The following LPXN variants were observed in gnomAD, a reference collection of about 807,000 sequenced individuals.
LPXN encodes the protein leupaxin.
LPXN carries 28 observed loss-of-function variants against 45.6 expected under a neutral mutation model. That is an observed-to-expected ratio of 0.61 (90% confidence interval 0.45 to 0.84). The LOEUF is 0.84. Among genes scored for constraint, LPXN ranks in the 40% least tolerant of loss-of-function variants. The probability of loss-of-function intolerance (pLI) is 0.00; values close to 1 mark genes in which losing one functional copy is unlikely to be tolerated. For synonymous variants in LPXN, 166 were observed against 169.9 expected, an observed-to-expected ratio of 0.98 and a Z score of 0.18; for missense variants, 459 against 475.0, an observed-to-expected ratio of 0.97 and a Z score of 0.31.
intron 1 of LPXN, among the ~76,000 whole-genome samples, chr11:58,575,146 A>T (rs1721140959): frequency 6.6e-6 from 1 of 152,194 alleles, no homozygotes; most frequent in African/African-American, 2.4e-5. Context: ...TTAGAGTGGA[A>T]GGAGGTGTCA....
intron 3 of LPXN, among the ~76,000 whole-genome samples, 153 bp downstream of exon 3, chr11:58,564,002 A>T (rs1854455508): frequency 6.6e-6 from 1 of 152,220 alleles, no homozygotes. Flanking sequence ...GCTTCACAGA[A>T]TTCTACCTAT....
chr11:58,560,119 C>G (rs1854328503), intron 3 of LPXN, among the ~76,000 whole-genome samples: 2 of 152,272 alleles, frequency 1.3e-5, no homozygotes, highest in African/African-American at 4.8e-5. Context: ...AGTTTTGTAT[C>G]TTAAGTTATA....
At chr11:58,531,308 G>T (rs1214994742) in intron 7 of LPXN, among the ~76,000 whole-genome samples, 1 of 152,074 alleles carries the variant, frequency 6.6e-6, no homozygotes, top group African/African-American at 2.4e-5. Context: ...TAAGAACCTT[G>T]AAAACAGGTT....
At chr11:58,570,778 T>C in intron 1 of LPXN, 65 bp from the exon 2 acceptor site, 2 of 1,247,116 alleles carry the variant, frequency 1.6e-6, no homozygotes, top group Non-Finnish European at 2.2e-6. Flanking sequence ...CATTTTCTCC[T>C]TAAATATCTT....
At chr11:58,565,891 G>C (rs541662870) in intron 2 of LPXN, among the ~76,000 whole-genome samples, 1 of 151,978 alleles carries the variant, frequency 6.6e-6, no homozygotes, top group South Asian at 2.1e-4. Context: ...CCAGCTACTC[G>C]GGAGGCTGAG....
At chr11:58,574,363 C>T (rs773971785) in intron 1 of LPXN, among the ~76,000 whole-genome samples, 2 of 152,062 alleles carry the variant, frequency 1.3e-5, no homozygotes, top group Non-Finnish European at 2.9e-5. Context: ...CAGGTGTTCC[C>T]GACAGTGACA....
Position 58,564,205 on chromosome 11 carries a change from A to G in LPXN, c.172-4T>C, listed in dbSNP as rs1854462643. 1 of 1,598,382 alleles carries G rather than the reference A, an allele frequency of 6.3e-7. No individual in the cohort carries two copies. The highest frequency in any genetic ancestry group is 1.3e-5 in the African/African-American group (1 of 74,252). ...TGGTAGTATACACGAGCTGCGCCTA[A>G]GATATATAAGTGACAAGAGAAGAGC... On this transcript the variant is annotated splice_polypyrimidine_tract_variant and splice_region_variant and intron_variant, in intron 2 of 8. Transcript: ENST00000395074.
At chr11:58,574,566 T>TC (rs932858357) in intron 1 of LPXN, among the ~76,000 whole-genome samples, 13 of 148,244 alleles carry the variant, frequency 8.8e-5, no homozygotes, top group African/African-American at 2.5e-4. Flanking sequence ...GTCCCCTCCA[T>TC]CCCCCCCAAA....
chr11:58,537,006 A>G (rs1050138907), intron 7 of LPXN, among the ~76,000 whole-genome samples: 4 of 152,250 alleles, frequency 2.6e-5, no homozygotes, highest in Admixed American at 2.6e-4. Flanking sequence ...AAAAGTCAGG[A>G]AACAACAGAT....
In LPXN at chr11:58,554,898, C is replaced by T. The variant is rs759389327; in HGVS notation, c.261G>A (p.Thr87=). The change falls in exon 4 of 9, where the codon ACG becomes ACA. Residue 87 remains threonine, a synonymous_variant. Coordinates refer to ENST00000395074, the MANE Select transcript of LPXN (RefSeq NM_004811.3). ...EPKESPPPSK[T]SAAAQLDELM... is the part of the protein sequence containing the mutation. ...GCTCATCCAACTGAGCAGCTGCTGA[C>T]GTTTTAGAAGGTGGTGGTGATTCCT... The T allele has an allele frequency of 7.7e-5, 124 of 1,613,868 alleles. No homozygotes were observed. The South Asian group carries it at 7.7e-4, about 10-fold the overall frequency.
intron 3 of LPXN, among the ~76,000 whole-genome samples, chr11:58,558,706 C>CGACTCAAA (rs1429469412): frequency 6.6e-6 from 1 of 151,792 alleles, no homozygotes; most frequent in African/African-American, 2.4e-5. Context: ...ACAGACTATT[C>CGACTCAAA]GACTCAAAGA....
At chr11:58,528,544 C>G (rs2120164179) in intron 7 of LPXN, among the ~76,000 whole-genome samples, 1 of 152,302 alleles carries the variant, frequency 6.6e-6, no homozygotes, top group Admixed American at 6.5e-5. Context: ...AGAGGCATCT[C>G]TTCAGTCCCT....
chr11:58,549,859 C>T lies in LPXN; in HGVS notation c.669G>A (p.Leu223=), dbSNP rs1853989886. Reference sequence around the variant, plus strand: ...GGTGCCAGGTCTGGTTCATTGCTGTCAGCACTTTCTGGAAAGGGAACACAC... The same window carrying T: ...GGTGCCAGGTCTGGTTCATTGCTGTTAGCACTTTCTGGAAAGGGAACACAC... ...YCAAPILDKV[L]TAMNQTWHPE... The change falls in exon 7 of 9, where the codon CTG becomes CTA. Residue 223 remains leucine, a synonymous_variant. Coordinates refer to ENST00000395074, the MANE Select transcript of LPXN (RefSeq NM_004811.3). The T allele has an allele frequency of 6.2e-7, 1 of 1,614,098 alleles. No homozygotes were observed. The highest frequency in any genetic ancestry group is 8.5e-7 in the Non-Finnish European group (1 of 1,180,010).
In LPXN at chr11:58,542,448, GTT is replaced by G. The variant is rs947838335; in HGVS notation, c.742+7336_742+7337del. Among the ~76,000 whole-genome samples, 3 of 151,130 alleles carry G rather than the reference GTT, an allele frequency of 2.0e-5. 1 individual carries two copies. In the East Asian group the frequency reaches 5.8e-4, roughly 29 times the overall value. On this transcript the variant is annotated intron_variant, in intron 7 of 8. Coordinates refer to ENST00000395074, the MANE Select transcript of LPXN (RefSeq NM_004811.3). ...GAGTCACTTGATAATCTACATCAAGGTTTTTTTTAAAAAAGATGTAGACATCT... is the reference window on the plus strand; with the variant it reads ...GAGTCACTTGATAATCTACATCAAGGTTTTTTAAAAAAGATGTAGACATCT...
chr11:58,532,840 G>T (rs1162608395), intron 7 of LPXN, among the ~76,000 whole-genome samples: 1 of 152,202 alleles, frequency 6.6e-6, no homozygotes, highest in African/African-American at 2.4e-5. Flanking sequence ...TAGAAGTTTT[G>T]TTCTTTCACT....
Position 58,575,714 on chromosome 11 carries a change from CCAA to C in LPXN, c.13+43_13+45del, listed in dbSNP as rs774127605. ...ACCCCACCACACAAGGAGATGGCAG[CCAA>C]GTCTTCACTCCCTCAGAGTTTCTCC... On this transcript the variant is annotated intron_variant, in intron 1 of 8. Coordinates refer to ENST00000395074, the MANE Select transcript of LPXN (RefSeq NM_004811.3). 1.4e-4 allele frequency: 221 copies of C among 1,611,254 alleles called. 1 individual carries two copies. The highest frequency in any genetic ancestry group is 1.3e-3 in the Middle Eastern group (8 of 6,054).
chr11:58,554,819 A>C lies in LPXN; in HGVS notation c.318+22T>G, dbSNP rs553578243. On this transcript the variant is annotated intron_variant, in intron 4 of 8. Coordinates refer to ENST00000395074, the MANE Select transcript of LPXN (RefSeq NM_004811.3). ...CTGGACTGCACTCACCTTGGCCTGC[A>C]CTCACCTTGGCCTGCACTCACCTTG... is the stretch of plus-strand genomic sequence containing the variant. 3 of 1,604,728 alleles carry C rather than the reference A, an allele frequency of 1.9e-6. No individual in the cohort carries two copies. In the Admixed American group the frequency reaches 5.0e-5, roughly 27 times the overall value.
chr11:58,535,624 G>A (rs1014770421), intron 7 of LPXN, among the ~76,000 whole-genome samples: 10 of 152,076 alleles, frequency 6.6e-5, no homozygotes, highest in South Asian at 2.1e-4. Context: ...CAGGGATGCC[G>A]TCTCTCACCA....
At chr11:58,575,872 AG>A, upstream of LPXN, 1 of 1,611,772 alleles carries the variant, frequency 6.2e-7, no homozygotes, top group Non-Finnish European at 8.5e-7. Flanking sequence ...AGACAGCATA[AG>A]GCAGCCTCTA....
Sources: allele counts gnomAD v4.1 joint callset (sites outside exome capture counted in the v4.1 genomes callset), GRCh38; gene constraint gnomAD v4.1.1; transcripts MANE v1.5; gene names NCBI Gene and HGNC (gene_info 2026-07-23, HGNC 2026-07-21).